The following TMEM132C variants were observed in gnomAD, a reference collection of about 807,000 sequenced individuals.
TMEM132C encodes the protein protein phosphatase 1, regulatory subunit 152.
A neutral mutation model predicts 61.4 loss-of-function variants in TMEM132C; 29 were observed. The observed-to-expected ratio is 0.47, with a 90% CI of 0.35 to 0.64. TMEM132C has a LOEUF of 0.64. Ranked by LOEUF, TMEM132C falls within the 30% of genes least tolerant of loss-of-function variation. The probability of loss-of-function intolerance (pLI) is 0.00; values close to 1 mark genes in which losing one functional copy is unlikely to be tolerated. For synonymous variants in TMEM132C, 656 were observed against 633.1 expected, an observed-to-expected ratio of 1.04 and a Z score of -0.54; for missense variants, 1,408 against 1,476.9, an observed-to-expected ratio of 0.95 and a Z score of 0.76.
intron 3 of TMEM132C, among the ~76,000 whole-genome samples, chr12:128,558,000 T>G (rs1874385989): frequency 6.6e-6 from 1 of 152,228 alleles, no homozygotes; most frequent in Admixed American, 6.5e-5. Flanking sequence ...TCGCGCGGTT[T>G]CGCGCACATT....
chr12:128,513,486 G>A (rs762703070), intron 2 of TMEM132C, among the ~76,000 whole-genome samples: 1 of 152,184 alleles, frequency 6.6e-6, no homozygotes, highest in African/African-American at 2.4e-5. Context: ...GCTTTCTGCA[G>A]GGACACTTCT....
chr12:128,578,972 G>A (rs778284993), intron 3 of TMEM132C, among the ~76,000 whole-genome samples: 7 of 152,278 alleles, frequency 4.6e-5, no homozygotes, highest in South Asian at 4.2e-4. Flanking sequence ...CCAAATAGAG[G>A]TGACTAGGGG....
At chr12:128,480,497 G>T (rs146811364) in intron 2 of TMEM132C, among the ~76,000 whole-genome samples, 1 of 152,214 alleles carries the variant, frequency 6.6e-6, no homozygotes, top group Admixed American at 6.5e-5. Flanking sequence ...ACAGCATCCA[G>T]TCCCCGGCGA....
At chr12:128,492,210 A>G (rs1435066332) in intron 2 of TMEM132C, among the ~76,000 whole-genome samples, 1 of 152,166 alleles carries the variant, frequency 6.6e-6, no homozygotes, top group African/African-American at 2.4e-5. Flanking sequence ...ATAGTATTCC[A>G]TGGTGTAAAT....
chr12:128,515,320 A>T (rs1212057987), intron 2 of TMEM132C, among the ~76,000 whole-genome samples: 2 of 152,106 alleles, frequency 1.3e-5, no homozygotes, highest in Non-Finnish European at 2.9e-5. Context: ...TAATGGGAGG[A>T]TGTGATAGCA....
rs78942625 is a variant in TMEM132C at position 128,281,963 on chromosome 12, G to A, written c.85+14476G>A. ...CATAAAAGGGACTTTGAACATTGGA[G>A]TTGGATTCTCTTTCCTCCTGAGGCT... On this transcript the variant is annotated intron_variant, in intron 1 of 8. Coordinates refer to ENST00000435159, the MANE Select transcript of TMEM132C (RefSeq NM_001136103.3). Among the ~76,000 whole-genome samples, 423 of 152,314 alleles carry A rather than the reference G, an allele frequency of 2.8e-3. 6 individuals are homozygous for A. The East Asian group carries it at 0.049, about 17-fold the overall frequency.
intron 2 of TMEM132C, among the ~76,000 whole-genome samples, chr12:128,420,060 A>G (rs1868935328): frequency 6.6e-6 from 1 of 152,036 alleles, no homozygotes; most frequent in Non-Finnish European, 1.5e-5. Context: ...GCTGGGCATG[A>G]TGGCGGGCAC....
chr12:128,478,891 C>T (rs957428720), intron 2 of TMEM132C, among the ~76,000 whole-genome samples: 5 of 152,308 alleles, frequency 3.3e-5, no homozygotes, highest in African/African-American at 9.6e-5. Context: ...GTACTGTTCT[C>T]GCCACCTTTC....
chr12:128,340,851 T>G (rs12321195), intron 1 of TMEM132C, among the ~76,000 whole-genome samples: 54 of 136,044 alleles, frequency 4.0e-4, no homozygotes, highest in African/African-American at 8.3e-4. Context: ...CTTTCTCTCT[T>G]TCTTTCTTCC....
intron 4 of TMEM132C, among the ~76,000 whole-genome samples, chr12:128,657,673 C>G (rs1954340299): frequency 6.6e-6 from 1 of 152,192 alleles, no homozygotes; most frequent in South Asian, 2.1e-4. Context: ...CTCATCTAGG[C>G]ATGCTCAGGC....
chr12:128,675,567 G>T (rs547460315), intron 5 of TMEM132C, among the ~76,000 whole-genome samples: 2 of 152,158 alleles, frequency 1.3e-5, no homozygotes, highest in Non-Finnish European at 2.9e-5. Context: ...CTTTACTGAG[G>T]TTCTACTGTT....
intron 2 of TMEM132C, among the ~76,000 whole-genome samples, chr12:128,503,629 G>T (rs1872254473): frequency 6.6e-6 from 1 of 152,216 alleles, no homozygotes; most frequent in Non-Finnish European, 1.5e-5. Context: ...TTATGGGATA[G>T]TTACCATGTG....
At chr12:128,289,616 C>T (rs1871194359) in intron 1 of TMEM132C, among the ~76,000 whole-genome samples, 1 of 152,214 alleles carries the variant, frequency 6.6e-6, no homozygotes, top group South Asian at 2.1e-4. Flanking sequence ...TATTTAACGT[C>T]CCCATCTTCA....
At chr12:128,310,474 AAGTGAAAGAGAG>A (rs1313685852) in intron 1 of TMEM132C, among the ~76,000 whole-genome samples, 4 of 152,202 alleles carry the variant, frequency 2.6e-5, no homozygotes, top group South Asian at 4.2e-4. Flanking sequence ...TCGTGGCAGA[AAGTGAAAGAGAG>A]AGTTGGGTGG....
At chr12:128,612,940 C>T (rs954693649) in intron 3 of TMEM132C, among the ~76,000 whole-genome samples, 4 of 152,070 alleles carry the variant, frequency 2.6e-5, no homozygotes, top group African/African-American at 9.7e-5. Flanking sequence ...CTCTTTCCTC[C>T]CTGCACAATG....
At chr12:128,526,414 A>AT (rs1165125326) in intron 2 of TMEM132C, among the ~76,000 whole-genome samples, 1 of 152,144 alleles carries the variant, frequency 6.6e-6, no homozygotes. Context: ...AGTCTCTATT[A>AT]TAAGGGCACC....
intron 2 of TMEM132C, among the ~76,000 whole-genome samples, chr12:128,538,523 G>A (rs1433714472): frequency 6.6e-6 from 1 of 152,084 alleles, no homozygotes. Context: ...CAAAGTTCTG[G>A]GATTACAAGT....
chr12:128,517,656 C>T (rs1231567818), intron 2 of TMEM132C, among the ~76,000 whole-genome samples: 1 of 152,114 alleles, frequency 6.6e-6, no homozygotes, highest in African/African-American at 2.4e-5. Flanking sequence ...GTTTTAACTT[C>T]TCTGTGTATT....
intron 1 of TMEM132C, among the ~76,000 whole-genome samples, chr12:128,367,018 G>T (rs1245174612): frequency 6.6e-6 from 1 of 152,232 alleles, no homozygotes. Context: ...GCTTTCTGCA[G>T]AGGTGATGAC....
Sources: allele counts gnomAD v4.1 joint callset (sites outside exome capture counted in the v4.1 genomes callset), GRCh38; gene constraint gnomAD v4.1.1; transcripts MANE v1.5; gene names NCBI Gene and HGNC (gene_info 2026-07-23, HGNC 2026-07-21).